Variants in GRIK1 observed in about 807,000 individuals in gnomAD.
The protein encoded by GRIK1 is glutamate receptor ionotropic, kainate 1.
Under a neutral mutation model 105.7 loss-of-function variants are expected in GRIK1, and 69 were observed. The ratio of observed to expected loss-of-function variants is 0.65; its 90% CI spans 0.54 to 0.80. The LOEUF (loss-of-function observed/expected upper bound fraction) is 0.80, where lower values mean the gene tolerates loss of function less well. Ranked by LOEUF, GRIK1 falls within the 30% of genes least tolerant of loss-of-function variation. The probability of loss-of-function intolerance (pLI) is 0.00; values close to 1 mark genes in which losing one functional copy is unlikely to be tolerated. For synonymous variants in GRIK1, 438 were observed against 431.3 expected (o/e 1.02, Z -0.19); for missense variants, 1,109 against 1,167.3 (o/e 0.95, Z 0.73).
intron 1 of GRIK1, among the ~76,000 whole-genome samples, chr21:29,816,614 T>C (rs1056102948): frequency 2.0e-5 from 3 of 152,030 alleles, no homozygotes; most frequent in Non-Finnish European, 1.5e-5. Flanking sequence ...CAGCCATAAA[T>C]AAAGAATGAA....
chr21:29,754,673 A>G (rs1490396936), intron 1 of GRIK1, among the ~76,000 whole-genome samples: 1 of 152,198 alleles, frequency 6.6e-6, no homozygotes, highest in African/African-American at 2.4e-5. Flanking sequence ...TGTTGCTGGC[A>G]AGGTATTTTG....
intron 1 of GRIK1, among the ~76,000 whole-genome samples, chr21:29,723,179 T>TAAAGGAAGAAGA (rs1475304644): frequency 1.3e-5 from 2 of 152,204 alleles, no homozygotes; most frequent in Non-Finnish European, 2.9e-5. Context: ...AGCTAAAATT[T>TAAAGGAAGAAGA]ATAGTTTGGA....
At chr21:29,668,057 T>A (rs2063094141) in intron 4 of GRIK1, among the ~76,000 whole-genome samples, 1 of 152,210 alleles carries the variant, frequency 6.6e-6, no homozygotes, top group East Asian at 1.9e-4. Context: ...ACTTTGGGGA[T>A]GATTTACTGA....
chr21:29,836,159 A>G (rs1046897018), intron 1 of GRIK1, among the ~76,000 whole-genome samples: 2 of 152,246 alleles, frequency 1.3e-5, no homozygotes, highest in Non-Finnish European at 2.9e-5. Flanking sequence ...ATATAAAAAG[A>G]AAGCAGAAAT....
At chr21:29,619,721 T>G (rs2061943500) in intron 7 of GRIK1, among the ~76,000 whole-genome samples, 2 of 152,310 alleles carry the variant, frequency 1.3e-5, no homozygotes. Flanking sequence ...GGTGAATTTC[T>G]CAGTTAAACA....
intron 1 of GRIK1, among the ~76,000 whole-genome samples, chr21:29,930,908 A>G (rs2832491): frequency 0.6 from 90,954 of 152,056 alleles, 29,521 homozygotes; most frequent in East Asian, 0.83. Context: ...GTTTCCCTTG[A>G]TACAGTTGCA....
At chr21:29,858,097 A>G (rs2068518744) in intron 1 of GRIK1, among the ~76,000 whole-genome samples, 1 of 152,056 alleles carries the variant, frequency 6.6e-6, no homozygotes, top group Non-Finnish European at 1.5e-5. Context: ...GAAGGGTTTC[A>G]CTATGTTGGC....
chr21:29,838,634 A>G (rs563516417), intron 1 of GRIK1, among the ~76,000 whole-genome samples: 2 of 152,364 alleles, frequency 1.3e-5, no homozygotes, highest in East Asian at 1.9e-4. Flanking sequence ...AGCAAATAAT[A>G]GAAGACTGGT....
chr21:29,571,272 G>T (rs960705943), intron 14 of GRIK1, among the ~76,000 whole-genome samples: 1 of 151,752 alleles, frequency 6.6e-6, no homozygotes, highest in African/African-American at 2.4e-5. Context: ...GCAGAGAATT[G>T]CTTGAACTCA....
At chr21:29,559,189 C>G (rs989655199) in intron 15 of GRIK1, among the ~76,000 whole-genome samples, 3 of 152,100 alleles carry the variant, frequency 2.0e-5, no homozygotes, top group African/African-American at 7.2e-5. Context: ...AAAATTCAGG[C>G]AAAGGTACCT....
At chr21:29,799,006 T>C (rs2066631899) in intron 1 of GRIK1, among the ~76,000 whole-genome samples, 1 of 152,158 alleles carries the variant, frequency 6.6e-6, no homozygotes, top group Non-Finnish European at 1.5e-5. Flanking sequence ...TACCTCCAGA[T>C]AATACTATCT....
At chr21:29,759,208 C>G (rs2065441209) in intron 1 of GRIK1, among the ~76,000 whole-genome samples, 1 of 151,694 alleles carries the variant, frequency 6.6e-6, no homozygotes. Flanking sequence ...AGCTCCACCT[C>G]CCAGGTTCAC....
chr21:29,576,322 C>A (rs1373779101), intron 14 of GRIK1, among the ~76,000 whole-genome samples: 1 of 152,162 alleles, frequency 6.6e-6, no homozygotes, highest in African/African-American at 2.4e-5. Flanking sequence ...CAATGAAATG[C>A]CCTTGACACT....
At chr21:29,634,071 C>T (rs1203114310) in intron 7 of GRIK1, among the ~76,000 whole-genome samples, 8 of 152,138 alleles carry the variant, frequency 5.3e-5, no homozygotes, top group Non-Finnish European at 1.2e-4. Flanking sequence ...ATTTTCAATA[C>T]TGTAATTTTT....
chr21:29,560,331 CTT>C (rs1156383014), intron 15 of GRIK1, among the ~76,000 whole-genome samples: 3 of 120,554 alleles, frequency 2.5e-5, no homozygotes, highest in African/African-American at 1.0e-4. Context: ...TTCTTTCTTT[CTT>C]TCTTTCTTTC....
intron 14 of GRIK1, among the ~76,000 whole-genome samples, chr21:29,569,130 G>C (rs2090679468): frequency 6.6e-6 from 1 of 152,172 alleles, no homozygotes; most frequent in African/African-American, 2.4e-5. Flanking sequence ...TTTAGCAGAA[G>C]GCAGACACTG....
At chr21:29,803,877 C>T (rs992659861) in intron 1 of GRIK1, among the ~76,000 whole-genome samples, 2 of 152,096 alleles carry the variant, frequency 1.3e-5, no homozygotes, top group African/African-American at 4.8e-5. Context: ...CCCATTGACT[C>T]ATTTCTTGGA....
chr21:29,761,164 G>A (rs1287854673), intron 1 of GRIK1: 1 of 152,204 alleles, frequency 6.6e-6, no homozygotes, highest in Non-Finnish European at 1.5e-5. Flanking sequence ...ACTTTGCCAA[G>A]CTGGCAAATG....
intron 14 of GRIK1, among the ~76,000 whole-genome samples, chr21:29,564,781 G>A (rs970801467): frequency 6.6e-6 from 1 of 152,152 alleles, no homozygotes; most frequent in Non-Finnish European, 1.5e-5. Context: ...TCTAATCCAC[G>A]GGTAAGAGAG....
Sources: gnomAD v4.1 joint callset for allele counts (sites outside exome capture counted in the v4.1 genomes callset) on GRCh38, gnomAD v4.1.1 for gene constraint, MANE v1.5 for transcripts, NCBI Gene and HGNC (gene_info 2026-07-23, HGNC 2026-07-21) for gene names.